The following ETV5 variants were observed in gnomAD, a reference collection of about 807,000 sequenced individuals.
ETV5 encodes ETS translocation variant 5.
In ETV5, 10 loss-of-function variants were observed where a neutral mutation model predicts 70.0. The ratio of observed to expected loss-of-function variants is 0.14; its 90% confidence interval spans 0.09 to 0.24. ETV5 has a LOEUF of 0.24. Ranked by LOEUF, ETV5 falls within the 10% of genes least tolerant of loss-of-function variation. The pLI, the probability that ETV5 is intolerant of heterozygous loss-of-function variation, is 1.00. For missense variants in ETV5, 453 were observed against 651.2 expected (o/e 0.70, Z 3.31); for synonymous variants, 216 against 242.2 (o/e 0.89, Z 1.01).
chr3:186,058,716 A>G (rs1713227140), intron 9 of ETV5, among the ~76,000 whole-genome samples: 1 of 152,232 alleles, frequency 6.6e-6, no homozygotes, highest in African/African-American at 2.4e-5. Context: ...GGAGTAGGAA[A>G]TAAGTGATTT....
Position 186,046,404 on chromosome 3 carries a change from A to C in ETV5, c.*2235T>G, listed in dbSNP as rs1712876147. On this transcript the variant is annotated 3_prime_UTR_variant, in exon 13 of 13. Transcript: ENST00000306376. ...GATGCATACGGCCCTGCGCAGGGGA[A>C]AGTATTTCAAATCAGCTGGCAGGTT... 1 of 228,946 alleles carries C rather than the reference A, an allele frequency of 4.4e-6. No individual in the cohort carries two copies. 14.2% of individuals were successfully genotyped at this position (228,946 alleles called of 1,614,324 possible). A position where few individuals can be genotyped will look rare whatever the true frequency, so the allele number is the denominator to read the frequency against.
intron 1 of ETV5, chr3:186,108,712 C>A: frequency 8.9e-7 from 1 of 1,119,178 alleles, no homozygotes; most frequent in African/African-American, 1.7e-5. Context: ...AAGCCGCTCT[C>A]CCCGCGCTCC....
Position 186,105,213 on chromosome 3 carries a change from T to C in ETV5, c.232+92A>G. On this transcript the variant is annotated intron_variant, in intron 5 of 12. Coordinates refer to ENST00000306376, the MANE Select transcript of ETV5 (RefSeq NM_004454.3). The surrounding 1 kb of genome is among the most constrained non-coding windows in gnomAD (Gnocchi z 4.5). ...CTAAATGCATACTACTGTCTAAATC[T>C]GGCCATAGCTGAAAAAAGCATATTC... is the stretch of plus-strand genomic sequence containing the variant. 9.6e-7 allele frequency: 1 copy of C among 1,037,032 alleles called. No homozygotes were observed. The allele number at this position is 1,037,032 out of a possible 1,614,324, so 64.2% of individuals were successfully genotyped here.
At chr3:186,066,124 CTAT>C (rs751393113) in intron 7 of ETV5, 52 bp from the exon 8 acceptor site, 3 of 1,494,200 alleles carry the variant, frequency 2.0e-6, no homozygotes, top group South Asian at 2.7e-5. Flanking sequence ...TGAATTCCTA[CTAT>C]GATTGAGCAC....
chr3:186,050,566 G>C (rs529614108), intron 12 of ETV5, among the ~76,000 whole-genome samples: 1 of 152,260 alleles, frequency 6.6e-6, no homozygotes, highest in South Asian at 2.1e-4. Flanking sequence ...AAAATGTTCT[G>C]AAATTAATTG....
In ETV5 at chr3:186,105,884, T is replaced by A; in HGVS notation, c.-16A>T. 1.2e-6 allele frequency: 2 copies of A among 1,613,634 alleles called. No homozygotes were observed. The highest frequency in any genetic ancestry group is 1.7e-6 in the Non-Finnish European group (2 of 1,179,824). On this transcript the variant is annotated 5_prime_UTR_variant, in exon 2 of 13. Coordinates refer to ENST00000306376, the MANE Select transcript of ETV5 (RefSeq NM_004454.3). The surrounding 1 kb of genome is among the most constrained non-coding windows in gnomAD (Gnocchi z 4.5). ...ACCCGTCCATGGTGCTTTCAGCGTC[T>A]CTAATACCACTTTGAGAGGTTTCAG... is the stretch of plus-strand genomic sequence containing the variant.
At chr3:186,078,433 C>A (rs931216313) in intron 7 of ETV5, among the ~76,000 whole-genome samples, 2 of 152,026 alleles carry the variant, frequency 1.3e-5, no homozygotes, top group African/African-American at 4.8e-5. Flanking sequence ...GATATCTAGG[C>A]CAGAGTTCAC....
chr3:186,100,162 G>C (rs927689905), intron 5 of ETV5, among the ~76,000 whole-genome samples: 1 of 152,182 alleles, frequency 6.6e-6, no homozygotes, highest in Non-Finnish European at 1.5e-5. Context: ...CACTTTGAAA[G>C]TAACACTGTA....
At chr3:186,061,748 G>A (rs1043279111) in intron 9 of ETV5, among the ~76,000 whole-genome samples, 3 of 152,112 alleles carry the variant, frequency 2.0e-5, no homozygotes, top group African/African-American at 7.2e-5. Context: ...CCTCAAGCAT[G>A]ATCTCAGTCC....
rs560442863 is a variant in ETV5 at position 186,076,354 on chromosome 3, A to G, written c.650+3463T>C. The G allele has an allele frequency of 1.1e-4, 22 of 199,802 alleles. 1 individual carries two copies. The East Asian group carries it at 1.6e-3, about 14-fold the overall frequency. The allele number at this position is 199,802 out of a possible 1,614,324, so 12.4% of individuals were successfully genotyped here. The stretch of plus-strand genomic sequence containing the variant: ...GTCCAGGCTGGAGAGCAGTGGCACA[A>G]TGAGATCATGGGAGTTTTGACCTGC... On this transcript the variant is annotated intron_variant, in intron 7 of 12. Transcript: ENST00000306376.
At chr3:186,055,873 A>G (rs1407516917) in intron 11 of ETV5, among the ~76,000 whole-genome samples, 3 of 152,210 alleles carry the variant, frequency 2.0e-5, no homozygotes, top group Non-Finnish European at 4.4e-5. Context: ...AGAGTGTCTA[A>G]GAGTGTTGTT....
intron 7 of ETV5, among the ~76,000 whole-genome samples, chr3:186,073,529 T>C (rs1005270583): frequency 5.3e-5 from 8 of 152,204 alleles, no homozygotes; most frequent in African/African-American, 7.2e-5. Flanking sequence ...GCCACTGGCC[T>C]ATACTGTTTC....
At position 186,081,089 on chromosome 3, in the gene ETV5, C is replaced by T. The variant is rs745776119; in HGVS notation, c.319G>A (p.Ala107Thr). The change falls in exon 6 of 13, where the codon GCT becomes ACT. Residue 107 changes from alanine to threonine, a missense_variant. Around this residue, in one of 4 missense-constraint regions of ETV5, gnomAD observed 307 missense variants for 344.9 expected, o/e 0.89. Transcript: ENST00000306376. ...SELSSCSHEQ[A>T]LGANYGEKCL... ...TTTTCTCCATAGTTAGCACCAAGAG[C>T]CTGCTCATGGCTACAAGACGACAGC... 6.2e-7 allele frequency: 1 copy of T among 1,613,696 alleles called. No individual in the cohort carries two copies. The highest frequency in any genetic ancestry group is 8.5e-7 in the Non-Finnish European group (1 of 1,179,730).
chr3:186,078,295 G>T (rs958833222), intron 7 of ETV5: 3 of 713,620 alleles, frequency 4.2e-6, no homozygotes, highest in Non-Finnish European at 5.4e-6. Context: ...ACAAATAGAA[G>T]TTTGCTAAGA....
At chr3:186,099,026 T>C (rs779285893) in intron 5 of ETV5, among the ~76,000 whole-genome samples, 1 of 152,234 alleles carries the variant, frequency 6.6e-6, no homozygotes, top group African/African-American at 2.4e-5. Flanking sequence ...TTGCACTCTC[T>C]GCTTCAATTT....
chr3:186,080,707 T>C (rs1255031229), intron 6 of ETV5: 1 of 233,618 alleles, frequency 4.3e-6, no homozygotes. Flanking sequence ...TGCTTAAAGT[T>C]CACATTAACA....
intron 9 of ETV5, among the ~76,000 whole-genome samples, chr3:186,059,030 A>T (rs1009693673): frequency 1.1e-4 from 17 of 149,944 alleles, no homozygotes; most frequent in Non-Finnish European, 1.6e-4. Context: ...AAAAAATAAA[A>T]TAAAAATAAA....
At chr3:186,086,027 G>A (rs1210257193) in intron 5 of ETV5, among the ~76,000 whole-genome samples, 4 of 152,144 alleles carry the variant, frequency 2.6e-5, no homozygotes, top group Non-Finnish European at 2.9e-5. Flanking sequence ...GCCCTGCCCT[G>A]CAATTGCTTC....
In ETV5 at chr3:186,076,715, A is replaced by G. The variant is rs190290218; in HGVS notation, c.650+3102T>C. Reference sequence around the variant, plus strand: ...GTACAAGGCTAAATGTGGCCTAAAGAAAGGAGTCTAAATCACAGGTTTTTA... The same window carrying G: ...GTACAAGGCTAAATGTGGCCTAAAGGAAGGAGTCTAAATCACAGGTTTTTA... On this transcript the variant is annotated intron_variant, in intron 7 of 12. Transcript: ENST00000306376. 1.6e-4 allele frequency: 30 copies of G among 187,814 alleles called. No homozygotes were observed. In the East Asian group the frequency reaches 2.4e-3, roughly 15 times the overall value. The allele number at this position is 187,814 out of a possible 1,614,324, so 11.6% of individuals were successfully genotyped here.
Sources: allele counts gnomAD v4.1 joint callset (sites outside exome capture counted in the v4.1 genomes callset), GRCh38; gene constraint gnomAD v4.1.1; regional missense constraint gnomAD v4.1.1; non-coding constraint Gnocchi (gnomAD v3.1); transcripts MANE v1.5; gene names NCBI Gene and HGNC (gene_info 2026-07-23, HGNC 2026-07-21).